The following TBX20 variants were observed in gnomAD, a reference collection of about 807,000 sequenced individuals.
TBX20 encodes the protein T-box transcription factor TBX20.
Under a neutral mutation model 42.9 loss-of-function variants are expected in TBX20, and 8 were observed. The observed-to-expected ratio is 0.19, with a 90% CI of 0.11 to 0.34. TBX20 has a LOEUF of 0.34. Among genes scored for constraint, TBX20 ranks in the 10% least tolerant of loss-of-function variants. The pLI is 1.00. For synonymous variants in TBX20, 198 were observed against 222.8 expected (o/e 0.89, Z 0.99); for missense variants, 411 against 566.0 (o/e 0.73, Z 2.78).
Position 35,253,921 on chromosome 7 carries a change from GA to G in TBX20, c.-302del. ...GGCAGGACGACAGTCTGCACAGCCCGAAGGCGGAAACGAGCATCAACTGCAC... is the reference window on the plus strand; with the variant it reads ...GGCAGGACGACAGTCTGCACAGCCCGAGGCGGAAACGAGCATCAACTGCAC... On this transcript the variant is annotated 5_prime_UTR_variant, in exon 1 of 8. It removes the in-frame stop codon of an upstream open reading frame in the 5' UTR. Transcript: ENST00000408931. The G allele has an allele frequency of 1.1e-5, 4 of 375,036 alleles. No homozygotes were observed. The highest frequency in any genetic ancestry group is 2.0e-5 in the Non-Finnish European group (4 of 204,536). The allele number at this position is 375,036 out of a possible 1,614,324, so 23.2% of individuals were successfully genotyped here.
At chr7:35,209,721 C>T (rs1411954877) in intron 6 of TBX20, among the ~76,000 whole-genome samples, 1 of 152,026 alleles carries the variant, frequency 6.6e-6, no homozygotes, top group Admixed American at 6.5e-5. Context: ...TCACTATTGT[C>T]CTAGTTTCTT....
intron 5 of TBX20, among the ~76,000 whole-genome samples, chr7:35,237,204 C>T (rs1306421944): frequency 6.6e-6 from 1 of 151,942 alleles, no homozygotes; most frequent in African/African-American, 2.4e-5. Flanking sequence ...AAATGGGACT[C>T]GTGGGGCCTT....
intron 6 of TBX20, among the ~76,000 whole-genome samples, chr7:35,222,620 G>T (rs2128712271): frequency 6.6e-6 from 1 of 152,278 alleles, no homozygotes; most frequent in Admixed American, 6.5e-5. Context: ...CTGAGGATAT[G>T]GTCAGGAAAC....
intron 4 of TBX20, among the ~76,000 whole-genome samples, chr7:35,243,889 T>C (rs1049379351): frequency 5.9e-5 from 9 of 152,254 alleles, no homozygotes; most frequent in African/African-American, 2.2e-4. Context: ...GGCAGAGGGA[T>C]AGTGCTAGCG....
Position 35,249,720 on chromosome 7 carries a change from CT to C in TBX20, c.380+230del, listed in dbSNP as rs1214746325. ...AGTGTGTCTCCCTGGTCCCTGTGCC[CT>C]TCTCAACAAAGCCAGGGTGGGGCTT... On this transcript the variant is annotated intron_variant, in intron 2 of 7. Transcript: ENST00000408931. This position sits in a 1 kb window ranked among gnomAD's most constrained non-coding sequence, Gnocchi z 4.3. Among the ~76,000 whole-genome samples the C allele has an allele frequency of 2.0e-5, 3 of 152,158 alleles. No individual in the cohort carries two copies. Among genetic ancestry groups the C allele is most frequent in the Admixed American group, 1.3e-4 (2 of 15,276 alleles).
chr7:35,222,293 C>T (rs550334135), intron 6 of TBX20, among the ~76,000 whole-genome samples: 53 of 151,782 alleles, frequency 3.5e-4, no homozygotes, highest in Non-Finnish European at 5.1e-4. Flanking sequence ...ACACATGGCA[C>T]ATGTGGAGTG....
chr7:35,235,291 G>GA lies in TBX20; in HGVS notation c.814-3712dup, dbSNP rs61628631. Among the ~76,000 whole-genome samples the GA allele has an allele frequency of 1.7e-3, 191 of 113,468 alleles. 3 individuals carry two copies. The highest frequency in any genetic ancestry group is 0.014 in the East Asian group (58 of 4,146). 74.4% of individuals were successfully genotyped at this position (113,468 alleles called of 152,430 possible). On this transcript the variant is annotated intron_variant, in intron 5 of 7. Transcript: ENST00000408931. ...TCTCTTTATGAAATTTGGGATAACT[G>GA]AAAAAAAAAAAAACAACACTGAGAA...
intron 6 of TBX20, among the ~76,000 whole-genome samples, chr7:35,224,971 AT>A (rs1664974608): frequency 6.6e-6 from 1 of 151,934 alleles, no homozygotes; most frequent in South Asian, 2.1e-4. Context: ...TGTCCCAGAA[AT>A]TTCAATCAGT....
At chr7:35,216,850 T>C (rs1789599657) in intron 6 of TBX20, among the ~76,000 whole-genome samples, 1 of 152,164 alleles carries the variant, frequency 6.6e-6, no homozygotes, top group South Asian at 2.1e-4. Context: ...AAAAACAAAA[T>C]ATATAATGTT....
At chr7:35,209,679 A>G (rs1405696277) in intron 6 of TBX20, among the ~76,000 whole-genome samples, 1 of 151,772 alleles carries the variant, frequency 6.6e-6, no homozygotes, top group Non-Finnish European at 1.5e-5. Context: ...GATATTTATT[A>G]TTTTCTTTCT....
chr7:35,227,882 G>A (rs1789802330), intron 6 of TBX20, among the ~76,000 whole-genome samples: 1 of 152,126 alleles, frequency 6.6e-6, no homozygotes, highest in African/African-American at 2.4e-5. Flanking sequence ...GAAACGGATA[G>A]CAGTGATGGT....
intron 6 of TBX20, among the ~76,000 whole-genome samples, chr7:35,219,892 G>T (rs1278431029): frequency 3.9e-5 from 6 of 152,162 alleles, no homozygotes; most frequent in African/African-American, 1.4e-4. Flanking sequence ...ATCCCACTGG[G>T]CTTATGTCCA....
intron 1 of TBX20, among the ~76,000 whole-genome samples, chr7:35,252,015 T>C (rs1469799780): frequency 6.6e-6 from 1 of 152,102 alleles, no homozygotes; most frequent in Non-Finnish European, 1.5e-5. Flanking sequence ...GGCTTTAAAG[T>C]TCAAGATTTA....
Position 35,211,681 on chromosome 7 carries a change from A to G in TBX20, c.891-7099T>C, listed in dbSNP as rs141349211. The stretch of plus-strand genomic sequence containing the variant: ...ACACTTTTGACTTATGATATTTTCA[A>G]TTTATGATGGGTTTATCCAACCATA... On this transcript the variant is annotated intron_variant, in intron 6 of 7. Coordinates refer to ENST00000408931, the MANE Select transcript of TBX20 (RefSeq NM_001077653.2). 4.7e-3 allele frequency among the ~76,000 whole-genome samples: 711 copies of G among 152,232 alleles called. 6 individuals carry two copies. Among genetic ancestry groups the G allele is most frequent in the African/African-American group, 0.016 (668 of 41,556 alleles).
In TBX20 at chr7:35,249,319, T is replaced by C. The variant is rs1187605303; in HGVS notation, c.381-478A>G. Among the ~76,000 whole-genome samples the C allele has an allele frequency of 6.6e-6, 1 of 152,202 alleles. No homozygotes were observed. The highest frequency in any genetic ancestry group is 1.5e-5 in the Non-Finnish European group (1 of 68,042). On this transcript the variant is annotated intron_variant, in intron 2 of 7. Coordinates refer to ENST00000408931, the MANE Select transcript of TBX20 (RefSeq NM_001077653.2). This position sits in a 1 kb window ranked among gnomAD's most constrained non-coding sequence, Gnocchi z 4.3. Reference sequence around the variant, plus strand: ...TCTCAGATGCCCTGCAGGTATTTTCTGTAGTCCCAAGAGCTAGAGCCACCA... The same window carrying C: ...TCTCAGATGCCCTGCAGGTATTTTCCGTAGTCCCAAGAGCTAGAGCCACCA...
intron 6 of TBX20, among the ~76,000 whole-genome samples, chr7:35,224,000 C>T (rs551812321): frequency 1.3e-5 from 2 of 152,018 alleles, no homozygotes; most frequent in South Asian, 2.1e-4. Flanking sequence ...AAAGGGTAGC[C>T]GTATAAGATT....
chr7:35,215,967 T>A (rs544671485), intron 6 of TBX20, among the ~76,000 whole-genome samples: 1 of 152,334 alleles, frequency 6.6e-6, no homozygotes, highest in South Asian at 2.1e-4. Flanking sequence ...AATTTCTCAA[T>A]GCTCAAAAAG....
At chr7:35,233,025 T>C (rs1379584310) in intron 5 of TBX20, among the ~76,000 whole-genome samples, 1 of 152,140 alleles carries the variant, frequency 6.6e-6, no homozygotes, top group Non-Finnish European at 1.5e-5. Flanking sequence ...AGACTCTGTC[T>C]CAAAAGAAAA....
Position 35,234,746 on chromosome 7 carries a change from A to G in TBX20, c.814-3166T>C, listed in dbSNP as rs186914087. On this transcript the variant is annotated intron_variant, in intron 5 of 7. Coordinates refer to ENST00000408931, the MANE Select transcript of TBX20 (RefSeq NM_001077653.2). The stretch of plus-strand genomic sequence containing the variant: ...CAAAACAATTACATTCTCTATTTCT[A>G]TTTAATCTAATTCTAGGGAAAATAA... Among the ~76,000 whole-genome samples the G allele has an allele frequency of 1.6e-4, 24 of 152,326 alleles. No homozygotes were observed. In the East Asian group the frequency reaches 3.1e-3, roughly 20 times the overall value.
Sources: gnomAD v4.1 joint callset for allele counts (sites outside exome capture counted in the v4.1 genomes callset) on GRCh38, gnomAD v4.1.1 for gene constraint, Gnocchi (gnomAD v3.1) non-coding constraint, MANE v1.5 for transcripts, NCBI Gene and HGNC (gene_info 2026-07-23, HGNC 2026-07-21) for gene names.